Variants in MRPL58 observed in about 807,000 individuals in gnomAD.
MRPL58 encodes the protein large ribosomal subunit protein mL62.
Under a neutral mutation model 26.0 loss-of-function variants are expected in MRPL58, and 17 were observed. That is an observed-to-expected ratio of 0.65 (90% CI 0.45 to 0.98). The LOEUF is 0.98. Among genes scored for constraint, MRPL58 ranks in the 50% least tolerant of loss-of-function variants. The probability of loss-of-function intolerance (pLI) is 0.00; values close to 1 mark genes in which losing one functional copy is unlikely to be tolerated. For missense variants in MRPL58, 250 were observed against 269.0 expected, an observed-to-expected ratio of 0.93 and a Z score of 0.49; for synonymous variants, 100 against 99.7, an observed-to-expected ratio of 1.00 and a Z score of -0.02.
intron 2 of MRPL58, among the ~76,000 whole-genome samples, chr17:75,019,277 G>A (rs1331571305): frequency 6.6e-6 from 1 of 152,168 alleles, no homozygotes; most frequent in African/African-American, 2.4e-5. Context: ...GTGGGCAGTA[G>A]CTCGGTAGTA....
rs147823652 is a variant in MRPL58, at chr17:75,016,706, C to A, written c.187-372C>A. Among the ~76,000 whole-genome samples the A allele has an allele frequency of 4.7e-3, 714 of 152,334 alleles. 8 individuals are homozygous for A. The highest frequency in any genetic ancestry group is 0.016 in the African/African-American group (685 of 41,574). On this transcript the variant is annotated intron_variant, in intron 1 of 5. Transcript: ENST00000301585. The stretch of plus-strand genomic sequence containing the variant: ...GAGTCTCCTGTGGCCCCGGAAAGAA[C>A]AGGGTGGCCCACCAGGCTTGTTGCT...
intron 1 of MRPL58, 116 bp downstream of exon 1, chr17:75,012,988 C>A: frequency 1.1e-6 from 1 of 947,208 alleles, no homozygotes; most frequent in Non-Finnish European, 1.6e-6. Flanking sequence ...GTGATGGTCG[C>A]CGCGGGAGGG....
chr17:75,018,771 AAGAAACAATGAGCCTTTTTT>A (rs1263389819), intron 2 of MRPL58: 3 of 152,092 alleles, frequency 2.0e-5, no homozygotes, highest in Non-Finnish European at 4.4e-5. Flanking sequence ...ACAGCCTGTA[AAGAAACAATGAGCCTTTTTT>A]AGATTCGGAG....
At chr17:75,018,393 G>A (rs895976276) in intron 2 of MRPL58, among the ~76,000 whole-genome samples, 7 of 151,936 alleles carry the variant, frequency 4.6e-5, no homozygotes, top group African/African-American at 1.2e-4. Flanking sequence ...CACCACGCCC[G>A]GCTAATTTTT....
At chr17:75,019,091 C>G (rs1257625778) in intron 2 of MRPL58, among the ~76,000 whole-genome samples, 2 of 151,218 alleles carry the variant, frequency 1.3e-5, no homozygotes, top group African/African-American at 4.9e-5. Context: ...CATTGTGCCA[C>G]TGGACTCCAG....
At chr17:75,017,474 C>T (rs903972321) in intron 2 of MRPL58, among the ~76,000 whole-genome samples, 5 of 152,084 alleles carry the variant, frequency 3.3e-5, no homozygotes, top group African/African-American at 9.7e-5. Flanking sequence ...TTAGGCCAGG[C>T]GCAGTGGCTC....
chr17:75,017,661 T>C (rs1218036728), intron 2 of MRPL58, among the ~76,000 whole-genome samples: 1 of 152,018 alleles, frequency 6.6e-6, no homozygotes, highest in African/African-American at 2.4e-5. Context: ...GGCAGAAGAA[T>C]TGCTTGAACC....
chr17:75,019,795 A>G (rs776256942), intron 3 of MRPL58, 36 bp downstream of exon 3: 1 of 1,559,022 alleles, frequency 6.4e-7, no homozygotes, highest in African/African-American at 1.4e-5. Flanking sequence ...TTGCTTTAAA[A>G]TGTAGCTGGG....
At chr17:75,014,755 G>A (rs1284867077) in intron 1 of MRPL58, among the ~76,000 whole-genome samples, 1 of 152,136 alleles carries the variant, frequency 6.6e-6, no homozygotes, top group East Asian at 1.9e-4. Flanking sequence ...CCAAGTCTGG[G>A]GCCTTGAGCA....
At chr17:75,020,678 A>G (rs1376238977) in intron 5 of MRPL58, 21 bp downstream of exon 5, 1 of 1,611,940 alleles carries the variant, frequency 6.2e-7, no homozygotes, top group African/African-American at 1.3e-5. Context: ...ATGCCCTAAG[A>G]TGCTATAAAC....
At chr17:75,016,312 A>G (rs2039973746) in intron 1 of MRPL58, among the ~76,000 whole-genome samples, 1 of 151,302 alleles carries the variant, frequency 6.6e-6, no homozygotes, top group Non-Finnish European at 1.5e-5. Context: ...GCTACTCAGG[A>G]GGCTGAGGCA....
At chr17:75,014,378 A>G (rs1598665244) in intron 1 of MRPL58, among the ~76,000 whole-genome samples, 3 of 120,112 alleles carry the variant, frequency 2.5e-5, no homozygotes, top group Admixed American at 8.8e-5. Context: ...TTTTTAGTAG[A>G]GAGGGGGTTT....
At position 75,020,619 on chromosome 17, in the gene MRPL58, GGAGCCA is replaced by G; in HGVS notation, c.499_504del (p.Glu167_Pro168del). Reference sequence around the variant, plus strand: ...TCACTGAGGCCAGCCAGACACCGAAGGAGCCAACAAAAGAAGATGTTAAACTTCATA... The same window carrying G: ...TCACTGAGGCCAGCCAGACACCGAAGACAAAAGAAGATGTTAAACTTCATA... On this transcript the variant is annotated inframe_deletion, in exon 5 of 6. Coordinates refer to ENST00000301585, the MANE Select transcript of MRPL58 (RefSeq NM_001545.3). The G allele has an allele frequency of 6.2e-7, 1 of 1,614,186 alleles. No homozygotes were observed.
At chr17:75,014,065 A>T (rs1332727590) in intron 1 of MRPL58, among the ~76,000 whole-genome samples, 1 of 151,898 alleles carries the variant, frequency 6.6e-6, no homozygotes, top group East Asian at 1.9e-4. Context: ...TGGAAGCAGT[A>T]GGAGTCATGA....
At chr17:75,017,000 AT>A in intron 1 of MRPL58, 77 bp from the exon 2 acceptor site, 2 of 1,034,498 alleles carry the variant, frequency 1.9e-6, no homozygotes, top group Non-Finnish European at 3.1e-6. Flanking sequence ...GCTTTACATC[AT>A]TTCTTTGTTG....
At position 75,020,564 on chromosome 17, in the gene MRPL58, C is replaced by G; in HGVS notation, c.443C>G (p.Ala148Gly). The G allele has an allele frequency of 6.2e-7, 1 of 1,614,104 alleles. No individual in the cohort carries two copies. The highest frequency in any genetic ancestry group is 1.1e-5 in the South Asian group (1 of 91,088). The change falls in exon 5 of 6, where the codon GCA becomes GGA. Residue 148 changes from alanine (A) to glycine (G), a missense_variant. Coordinates refer to ENST00000301585, the MANE Select transcript of MRPL58 (RefSeq NM_001545.3). ...AGCCGCTATCAGTTCCGGAATCTGGCAGATTGCCTGCAGAAAATTCGAGAC... is the reference window on the plus strand; with the variant it reads ...AGCCGCTATCAGTTCCGGAATCTGGGAGATTGCCTGCAGAAAATTCGAGAC... The part of the protein sequence containing the change: ...ESSRYQFRNL[A>G]DCLQKIRDMI...
chr17:75,014,538 G>A (rs1430487240), intron 1 of MRPL58, among the ~76,000 whole-genome samples: 1 of 150,534 alleles, frequency 6.6e-6, no homozygotes, highest in Non-Finnish European at 1.5e-5. Flanking sequence ...CCGCCTCCTG[G>A]GTTCAAGTGA....
Position 75,019,703 on chromosome 17 carries a change from G to T in MRPL58, c.227G>T (p.Arg76Leu). 1 of 1,612,854 alleles carries T rather than the reference G, an allele frequency of 6.2e-7. No homozygotes were observed. Among genetic ancestry groups the T allele is most frequent in the Non-Finnish European group, 8.5e-7 (1 of 1,179,066 alleles). ...TGTACTTTCTTCTGTTTTACAGATC[G>T]CTTGACAATATCTTATTGTCGGAGT... Reference protein sequence around the residue: ...KQADSDIPLDRLTISYCRSSG... With the variant: ...KQADSDIPLDLLTISYCRSSG... The change falls in exon 3 of 6, where the codon CGC becomes CTC. Residue 76 changes from arginine (R) to leucine (L), a missense_variant. Coordinates refer to ENST00000301585, the MANE Select transcript of MRPL58 (RefSeq NM_001545.3).
In MRPL58 at chr17:75,020,991, G is replaced by A. The variant is rs1179414687; in HGVS notation, c.607G>A (p.Val203Ile). 1 of 1,613,248 alleles carries A rather than the reference G, an allele frequency of 6.2e-7. No homozygotes were observed. Among genetic ancestry groups the A allele is most frequent in the South Asian group, 1.1e-5 (1 of 91,068 alleles). ...IHSAVKTSRRVDMD is the reference protein window; with the variant it reads ...IHSAVKTSRRIDMD ...TTCTGCTGTAAAGACAAGCAGGAGG[G>A]TCGACATGGACTGAAATCACCCTCT... Residue 203 changes from valine (V) to isoleucine (I), a missense_variant, in exon 6 of 6, where the codon GTC becomes ATC. Val to Ile is a conservative substitution (Grantham distance 29). Coordinates refer to ENST00000301585, the MANE Select transcript of MRPL58 (RefSeq NM_001545.3).
Sources: gnomAD v4.1 joint callset for allele counts (sites outside exome capture counted in the v4.1 genomes callset) on GRCh38, gnomAD v4.1.1 for gene constraint, MANE v1.5 for transcripts, NCBI Gene and HGNC (gene_info 2026-07-23, HGNC 2026-07-21) for gene names.